The following RBFOX3 variants were observed in gnomAD, a reference collection of about 807,000 sequenced individuals.
RBFOX3 encodes RNA binding fox-1 homolog 3.
RBFOX3 carries 17 observed loss-of-function variants against 48.7 expected under a neutral mutation model. That is an observed-to-expected ratio of 0.35 (90% CI 0.24 to 0.52). The LOEUF is 0.52. Ranked by LOEUF, RBFOX3 falls within the 20% of genes least tolerant of loss-of-function variation. The pLI, the probability that RBFOX3 is intolerant of heterozygous loss-of-function variation, is 0.94. For missense variants in RBFOX3, 382 were observed against 497.5 expected (o/e 0.77, Z 2.21); for synonymous variants, 212 against 209.5 (o/e 1.01, Z -0.10).
At chr17:79,512,328 C>T (rs1304125292) in intron 1 of RBFOX3, among the ~76,000 whole-genome samples, 15 of 130,688 alleles carry the variant, frequency 1.1e-4, no homozygotes, top group African/African-American at 2.0e-4. Context: ...CACCCGGATA[C>T]GTGTTACCAT....
chr17:79,477,819 C>G lies in RBFOX3; in HGVS notation c.-175+4635G>C, dbSNP rs1189186789. Among the ~76,000 whole-genome samples the G allele has an allele frequency of 2.6e-5, 4 of 152,138 alleles. No individual in the cohort carries two copies. Among genetic ancestry groups the G allele is most frequent in the Non-Finnish European group, 5.9e-5 (4 of 68,028 alleles). On this transcript the variant is annotated intron_variant, in intron 2 of 14. Transcript: ENST00000693108. The surrounding 1 kb of genome is among the most constrained non-coding windows in gnomAD (Gnocchi z 4.8). ...AGGAATCACAGAAGTTTTTAGGACC[C>G]AAGTCTCCAAAGACTGGCTCAAACT...
At chr17:79,399,090 G>A (rs1822425521) in intron 2 of RBFOX3, among the ~76,000 whole-genome samples, 1 of 152,158 alleles carries the variant, frequency 6.6e-6, no homozygotes, top group South Asian at 2.1e-4. Context: ...AACCCCTCGG[G>A]TGGCTGGCGG....
intron 3 of RBFOX3, among the ~76,000 whole-genome samples, chr17:79,293,040 G>A (rs1354700885): frequency 6.6e-6 from 1 of 152,078 alleles, no homozygotes; most frequent in East Asian, 1.9e-4. Flanking sequence ...CAAAGTCTGA[G>A]AACTGCTTCT....
intron 1 of RBFOX3, among the ~76,000 whole-genome samples, chr17:79,575,316 G>A (rs1237502641): frequency 2.6e-5 from 4 of 152,196 alleles, no homozygotes; most frequent in African/African-American, 4.8e-5. Flanking sequence ...ACGAGTACAT[G>A]GGATAGGGGG....
chr17:79,175,683 C>T (rs754728407), intron 4 of RBFOX3, among the ~76,000 whole-genome samples: 1 of 152,236 alleles, frequency 6.6e-6, no homozygotes, highest in Non-Finnish European at 1.5e-5. Context: ...AGCTGACTCA[C>T]CACAGCTCAG....
intron 3 of RBFOX3, among the ~76,000 whole-genome samples, chr17:79,280,318 C>G (rs1037798000): frequency 6.6e-6 from 1 of 152,146 alleles, no homozygotes; most frequent in Non-Finnish European, 1.5e-5. Context: ...CCCCAACACA[C>G]CCACCCTCTG....
intron 1 of RBFOX3, among the ~76,000 whole-genome samples, chr17:79,609,526 G>C (rs1026106022): frequency 6.6e-6 from 1 of 152,172 alleles, no homozygotes; most frequent in Admixed American, 6.5e-5. Context: ...TTTTAAAAGT[G>C]ATCATTAAAT....
intron 2 of RBFOX3, among the ~76,000 whole-genome samples, chr17:79,316,130 G>A (rs2077507887): frequency 6.6e-6 from 1 of 152,156 alleles, no homozygotes; most frequent in African/African-American, 2.4e-5. Flanking sequence ...AAAAATTGGA[G>A]AGGGCGGGAG....
At chr17:79,426,000 C>G (rs1340669800) in intron 2 of RBFOX3, among the ~76,000 whole-genome samples, 1 of 151,832 alleles carries the variant, frequency 6.6e-6, no homozygotes, top group African/African-American at 2.4e-5. Flanking sequence ...GGAGGAATCA[C>G]GGAGAGTGTG....
At chr17:79,441,647 CAG>C (rs35358265) in intron 2 of RBFOX3, among the ~76,000 whole-genome samples, 28,520 of 152,150 alleles carry the variant, frequency 0.19, 2,745 homozygotes, top group Admixed American at 0.22. Flanking sequence ...TCCAGAATGG[CAG>C]AGAGTCCATT....
chr17:79,229,786 G>A (rs1033429151), intron 4 of RBFOX3, among the ~76,000 whole-genome samples: 2 of 152,166 alleles, frequency 1.3e-5, no homozygotes, highest in African/African-American at 4.8e-5. Context: ...AACCAGGACT[G>A]TGGTCTTGCC....
chr17:79,234,721 C>CTTTTT lies in RBFOX3; in HGVS notation c.-34+1040_-34+1044dup, dbSNP rs71161654. ...TTGGGTTTATTGGGGGCATTAAGTG[C>CTTTTT]TTTTTTTTTTTTTTTTTTTTTTTTT... On this transcript the variant is annotated intron_variant, in intron 4 of 14. Coordinates refer to ENST00000693108, the MANE Select transcript of RBFOX3 (RefSeq NM_001350451.2). 201 of 61,830 alleles carry CTTTTT rather than the reference C, an allele frequency of 3.3e-3. 55 individuals are homozygous for CTTTTT. Among genetic ancestry groups the CTTTTT allele is most frequent in the African/African-American group, 0.014 (176 of 12,590 alleles). 3.8% of individuals were successfully genotyped at this position (61,830 alleles called of 1,614,324 possible).
chr17:79,209,444 G>A (rs964737075), intron 4 of RBFOX3, among the ~76,000 whole-genome samples: 6 of 152,232 alleles, frequency 3.9e-5, no homozygotes, highest in African/African-American at 1.2e-4. Context: ...TGAACCAAAC[G>A]GAACTCCCAC....
intron 2 of RBFOX3, among the ~76,000 whole-genome samples, chr17:79,414,403 A>G (rs1245160988): frequency 6.6e-6 from 1 of 152,030 alleles, no homozygotes; most frequent in Admixed American, 6.5e-5. Context: ...CCTCCTTTCC[A>G]TAGGAAGATG....
chr17:79,105,655 C>A (rs1004571566), intron 6 of RBFOX3, among the ~76,000 whole-genome samples: 2 of 152,200 alleles, frequency 1.3e-5, no homozygotes, highest in Non-Finnish European at 2.9e-5. Flanking sequence ...CCTCTCCACC[C>A]TGGGGCTGCC....
intron 2 of RBFOX3, among the ~76,000 whole-genome samples, chr17:79,369,629 T>C (rs1226258495): frequency 6.6e-6 from 1 of 152,104 alleles, no homozygotes. Context: ...GCCACCACCA[T>C]CTTGGTCAGT....
upstream of RBFOX3, among the ~76,000 whole-genome samples, chr17:79,615,542 C>T (rs2093990352): frequency 6.6e-6 from 1 of 152,140 alleles, no homozygotes; most frequent in Admixed American, 6.5e-5. Flanking sequence ...CTGTCACTAC[C>T]AAGATGCCTC....
intron 2 of RBFOX3, among the ~76,000 whole-genome samples, chr17:79,337,817 T>C (rs1386415612): frequency 1.3e-5 from 2 of 152,136 alleles, no homozygotes; most frequent in African/African-American, 2.4e-5. Context: ...GTTTACTATA[T>C]ATATGTCACA....
chr17:79,122,966 A>T (rs1360525874), intron 4 of RBFOX3, among the ~76,000 whole-genome samples: 1 of 152,062 alleles, frequency 6.6e-6, no homozygotes, highest in Non-Finnish European at 1.5e-5. Flanking sequence ...AAAGACAAAC[A>T]TCGCATGTTC....
Sources: gnomAD v4.1 joint callset for allele counts (sites outside exome capture counted in the v4.1 genomes callset) on GRCh38, gnomAD v4.1.1 for gene constraint, Gnocchi (gnomAD v3.1) non-coding constraint, MANE v1.5 for transcripts, NCBI Gene and HGNC (gene_info 2026-07-23, HGNC 2026-07-21) for gene names.